Variants in TTLL5 observed in about 807,000 individuals in gnomAD.
The protein encoded by TTLL5 is tubulin tyrosine ligase like 5, also known as tubulin polyglutamylase TTLL5.
A neutral mutation model predicts 168.4 loss-of-function variants in TTLL5; 132 were observed. The observed-to-expected ratio is 0.78, with a 90% CI of 0.68 to 0.91. The LOEUF is 0.91. Ranked by LOEUF, TTLL5 falls within the 40% of genes least tolerant of loss-of-function variation. The probability of loss-of-function intolerance (pLI) is 0.00; values close to 1 mark genes in which losing one functional copy is unlikely to be tolerated. For synonymous variants in TTLL5, 546 were observed against 558.6 expected, an observed-to-expected ratio of 0.98 and a Z score of 0.32; for missense variants, 1,545 against 1,581.5, an observed-to-expected ratio of 0.98 and a Z score of 0.39.
At chr14:75,916,158 A>G (rs2033607135) in intron 31 of TTLL5, among the ~76,000 whole-genome samples, 1 of 126,444 alleles carries the variant, frequency 7.9e-6, no homozygotes, top group Non-Finnish European at 1.6e-5. Context: ...TGAGGGGAGG[A>G]GAGGGAGGGG....
chr14:75,758,455 A>G (rs1890419792), intron 18 of TTLL5, among the ~76,000 whole-genome samples: 1 of 152,208 alleles, frequency 6.6e-6, no homozygotes, highest in Non-Finnish European at 1.5e-5. Context: ...GAGTCAAGAA[A>G]TATGCTTCCT....
intron 15 of TTLL5, among the ~76,000 whole-genome samples, chr14:75,741,060 C>G (rs1889233403): frequency 6.6e-6 from 1 of 152,176 alleles, no homozygotes; most frequent in Admixed American, 6.5e-5. Context: ...GATTCAACAT[C>G]TGTTTCTTAC....
chr14:75,924,289 G>GTT (rs753773184), intron 31 of TTLL5, among the ~76,000 whole-genome samples: 3,189 of 143,574 alleles, frequency 0.022, 118 homozygotes, highest in African/African-American at 0.058. Context: ...TATTTTGCCT[G>GTT]TTTTTTTTTT....
In TTLL5 at chr14:75,874,267, A is replaced by G. The variant is rs533640473; in HGVS notation, c.3523-8418A>G. ...TCACCATGCCCAGCTAATTTTTTGT[A>G]TTATTTAGTAGAGGCGGGGTTTCAA... On this transcript the variant is annotated intron_variant, in intron 29 of 31. Transcript: ENST00000298832. Among the ~76,000 whole-genome samples the G allele has an allele frequency of 2.0e-5, 3 of 152,032 alleles. No homozygotes were observed. The South Asian group carries it at 6.3e-4, about 32-fold the overall frequency.
chr14:75,919,707 G>C (rs6574258), intron 31 of TTLL5, among the ~76,000 whole-genome samples: 121,281 of 152,166 alleles, frequency 0.8, 48,521 homozygotes, highest in African/African-American at 0.85. Context: ...TCTTCATGTC[G>C]TTGGATTAGG....
At chr14:75,787,414 G>C (rs945755579) in intron 26 of TTLL5, among the ~76,000 whole-genome samples, 4 of 152,124 alleles carry the variant, frequency 2.6e-5, no homozygotes, top group African/African-American at 9.7e-5. Context: ...CAGATAAAGA[G>C]TAACTACATA....
At chr14:75,869,695 T>C (rs2030850524) in intron 29 of TTLL5, among the ~76,000 whole-genome samples, 1 of 152,184 alleles carries the variant, frequency 6.6e-6, no homozygotes, top group South Asian at 2.1e-4. Context: ...TCTGTCAGCC[T>C]GCAGCATCCA....
intron 1 of TTLL5, 113 bp from the exon 2 acceptor site, chr14:75,662,942 C>T: frequency 1.5e-6 from 1 of 655,344 alleles, no homozygotes; most frequent in Admixed American, 2.2e-5. Context: ...AGAGGTTGAG[C>T]ACTGTTTAGG....
chr14:75,783,274 A>G lies in TTLL5; in HGVS notation c.2730A>G (p.Pro910=). 6.2e-7 allele frequency: 1 copy of G among 1,614,176 alleles called. No homozygotes were observed. Among genetic ancestry groups the G allele is most frequent in the Admixed American group, 1.7e-5 (1 of 60,020 alleles). Residue 910 remains proline (P), a synonymous_variant, in exon 26 of 32, where the codon CCA becomes CCG. Transcript: ENST00000298832. ...LSSVTTSDLS[P]GPCHHSSLSQ... ...CTGTTACAACCTCTGACCTCTCTCC[A>G]GGGCCTTGCCACCATTCTTCTTTAT... is the stretch of plus-strand genomic sequence containing the variant.
intron 28 of TTLL5, among the ~76,000 whole-genome samples, chr14:75,862,105 A>G (rs1212282019): frequency 6.6e-6 from 1 of 152,158 alleles, no homozygotes. Context: ...GCATCATATA[A>G]TATTTGTTCT....
chr14:75,914,033 A>AAAAAAAATATATATAT, intron 31 of TTLL5, among the ~76,000 whole-genome samples: 22 of 71,082 alleles, frequency 3.1e-4, no homozygotes, highest in Non-Finnish European at 2.1e-4. Context: ...AAAAAAAAAA[A>AAAAAAAATATATATAT]ATATATATAT....
rs1367090055 is a variant in TTLL5 at position 75,663,035 on chromosome 14, A to G, written c.-95-20A>G. ...ATTGTGTTTCAGGTCAATTGATCCA[A>G]TCAAGTTGATTTCTTGCAGGAATCT... On this transcript the variant is annotated intron_variant, in intron 1 of 31. Transcript: ENST00000298832. 5 of 842,582 alleles carry G rather than the reference A, an allele frequency of 5.9e-6. No individual in the cohort carries two copies. 52.2% of individuals were successfully genotyped at this position (842,582 alleles called of 1,614,324 possible).
At chr14:75,865,907 A>G (rs536032189) in intron 29 of TTLL5, among the ~76,000 whole-genome samples, 74 of 152,318 alleles carry the variant, frequency 4.9e-4, no homozygotes, top group Non-Finnish European at 7.9e-4. Context: ...TGGAGAGCAA[A>G]CAGAAAATCA....
chr14:75,880,204 TA>T (rs1211218794), intron 29 of TTLL5, among the ~76,000 whole-genome samples: 2 of 151,544 alleles, frequency 1.3e-5, no homozygotes, highest in South Asian at 4.2e-4. Context: ...GTATTCTTTT[TA>T]AAAAAAACAA....
At chr14:75,864,086 T>G (rs2030299697) in intron 29 of TTLL5, among the ~76,000 whole-genome samples, 1 of 150,204 alleles carries the variant, frequency 6.7e-6, no homozygotes, top group Non-Finnish European at 1.5e-5. Context: ...GTTTGACATG[T>G]TTTTTTTTCA....
chr14:75,851,937 T>C (rs916660080), intron 28 of TTLL5, among the ~76,000 whole-genome samples: 1 of 152,246 alleles, frequency 6.6e-6, no homozygotes, highest in African/African-American at 2.4e-5. Flanking sequence ...TCACTTTCCA[T>C]GGGAAGAATG....
Position 75,795,272 on chromosome 14 carries a change from G to C in TTLL5, c.3171+2172G>C, listed in dbSNP as rs564737793. On this transcript the variant is annotated intron_variant, in intron 27 of 31. Coordinates refer to ENST00000298832, the MANE Select transcript of TTLL5 (RefSeq NM_015072.5). ...TGCAAAACCTCTAAATGCAATATAT[G>C]TGGAAAATATTGTTATTTCAGCCAT... Among the ~76,000 whole-genome samples, 6 of 152,340 alleles carry C rather than the reference G, an allele frequency of 3.9e-5. No homozygotes were observed. The South Asian group carries it at 1.2e-3, about 32-fold the overall frequency.
At position 75,863,761 on chromosome 14, in the gene TTLL5, C is replaced by T. The variant is rs765377748; in HGVS notation, c.3421C>T (p.Pro1141Ser). The change falls in exon 29 of 32, where the codon CCC becomes TCC. Residue 1141 changes from proline to serine, a missense_variant. Transcript: ENST00000298832. ...GGTGGTCCCCCAGCACAAGTATCACCCCACAGCAGGCAGCTATCAGCTTCA... is the reference window on the plus strand; with the variant it reads ...GGTGGTCCCCCAGCACAAGTATCACTCCACAGCAGGCAGCTATCAGCTTCA... ...TGVVPQHKYH[P>S]TAGSYQLQFA... is the part of the protein sequence containing the mutation. The T allele has an allele frequency of 4.3e-6, 7 of 1,613,692 alleles. No homozygotes were observed. In the South Asian group the frequency reaches 7.7e-5, roughly 18 times the overall value.
At chr14:75,683,883 C>T (rs1884822091) in intron 5 of TTLL5, 3 of 374,292 alleles carry the variant, frequency 8.0e-6, no homozygotes, top group African/African-American at 6.4e-5. Context: ...AAGCAATTCT[C>T]CTGCCTCAGC....
Sources: gnomAD v4.1 joint callset for allele counts (sites outside exome capture counted in the v4.1 genomes callset) on GRCh38, gnomAD v4.1.1 for gene constraint, MANE v1.5 for transcripts, NCBI Gene and HGNC (gene_info 2026-07-23, HGNC 2026-07-21) for gene names.